Variants in HDAC9 observed in about 807,000 individuals in gnomAD.
HDAC9 encodes the protein MEF-2 interacting transcription repressor (MITR) protein.
A neutral mutation model predicts 139.4 loss-of-function variants in HDAC9; 41 were observed. The ratio of observed to expected loss-of-function variants is 0.29; its 90% CI spans 0.23 to 0.38. The LOEUF is 0.38. Ranked by LOEUF, HDAC9 falls within the 10% of genes least tolerant of loss-of-function variation. The pLI is 1.00. For missense variants in HDAC9, 1,147 were observed against 1,297.0 expected (o/e 0.88, Z 1.78); for synonymous variants, 517 against 476.2 (o/e 1.09, Z -1.12).
At chr7:18,437,704 T>C (rs1439161091) in intron 1 of HDAC9, among the ~76,000 whole-genome samples, 1 of 151,768 alleles carries the variant, frequency 6.6e-6, no homozygotes, top group African/African-American at 2.4e-5. Context: ...ACTGTTAGCA[T>C]CATCACTGTA....
intron 6 of HDAC9, among the ~76,000 whole-genome samples, chr7:18,617,817 G>A (rs991139076): frequency 1.3e-5 from 2 of 152,048 alleles, no homozygotes; most frequent in African/African-American, 4.8e-5. Flanking sequence ...ACTAAAATAG[G>A]AACTAATACA....
chr7:18,618,756 ATATATG>A lies in HDAC9; in HGVS notation c.665-10591_665-10586del, dbSNP rs1436054658. ...TATATATATATATATATATATATAT[ATATATG>A]TAGGAATTCGTTTGTTACAGAAAGA... On this transcript the variant is annotated intron_variant, in intron 6 of 25. Transcript: ENST00000686413. Among the ~76,000 whole-genome samples the A allele has an allele frequency of 4.7e-4, 62 of 131,710 alleles. No homozygotes were observed. In the South Asian group the frequency reaches 0.015, roughly 33 times the overall value. The allele number at this position is 131,710 out of a possible 152,430, so 86.4% of individuals were successfully genotyped here.
chr7:18,280,873 C>A (rs1285417968), intron 2 of HDAC9, among the ~76,000 whole-genome samples: 1 of 152,114 alleles, frequency 6.6e-6, no homozygotes, highest in Non-Finnish European at 1.5e-5. Flanking sequence ...TTTATTTAGG[C>A]ATTATTTATC....
intron 2 of HDAC9, chr7:18,509,371 C>A: frequency 1.0e-6 from 1 of 985,412 alleles, no homozygotes; most frequent in Non-Finnish European, 1.2e-6. Flanking sequence ...TTTTCTCTAG[C>A]CTCAAGAAGA....
chr7:18,563,505 A>G (rs1821258008), intron 2 of HDAC9, among the ~76,000 whole-genome samples: 1 of 152,052 alleles, frequency 6.6e-6, no homozygotes. Flanking sequence ...TTACTCAGAA[A>G]ATTTTCTTAT....
intron 1 of HDAC9, among the ~76,000 whole-genome samples, chr7:18,485,690 G>A (rs367579128): frequency 7.8e-4 from 118 of 151,866 alleles, no homozygotes; most frequent in Middle Eastern, 3.4e-3. Context: ...ATAATGCTAG[G>A]AACTTTATAT....
intron 1 of HDAC9, among the ~76,000 whole-genome samples, chr7:18,152,869 G>A (rs1326899894): frequency 6.6e-6 from 1 of 152,192 alleles, no homozygotes; most frequent in Non-Finnish European, 1.5e-5. Flanking sequence ...AACAATATCT[G>A]ATATGATTCA....
At chr7:18,604,787 A>G (rs1238930448) in intron 6 of HDAC9, among the ~76,000 whole-genome samples, 6 of 152,052 alleles carry the variant, frequency 3.9e-5, no homozygotes, top group African/African-American at 1.4e-4. Context: ...CTCTGTTTAT[A>G]TTATCCATCT....
intron 21 of HDAC9, among the ~76,000 whole-genome samples, chr7:18,864,804 T>A (rs528743318): frequency 1.3e-5 from 2 of 152,002 alleles, no homozygotes; most frequent in Non-Finnish European, 2.9e-5. Flanking sequence ...CCTGGAAAGA[T>A]GAAAAAGTTC....
At chr7:18,721,111 A>C (rs1158850274) in intron 12 of HDAC9, among the ~76,000 whole-genome samples, 1 of 152,132 alleles carries the variant, frequency 6.6e-6, no homozygotes, top group East Asian at 1.9e-4. Flanking sequence ...TTGGTGTTTT[A>C]TGTATGACAA....
intron 12 of HDAC9, among the ~76,000 whole-genome samples, chr7:18,688,465 A>G (rs899331278): frequency 3.3e-5 from 5 of 151,924 alleles, no homozygotes; most frequent in Non-Finnish European, 7.4e-5. Context: ...TTATTTTAGA[A>G]ATATTTTTAC....
At chr7:18,189,588 G>A (rs912051280) in intron 2 of HDAC9, among the ~76,000 whole-genome samples, 2 of 152,154 alleles carry the variant, frequency 1.3e-5, no homozygotes, top group African/African-American at 2.4e-5. Flanking sequence ...ACAGAGCCTT[G>A]TGGGGCATGG....
chr7:18,885,569 G>A (rs1439538601), intron 22 of HDAC9, among the ~76,000 whole-genome samples: 1 of 152,086 alleles, frequency 6.6e-6, no homozygotes, highest in Non-Finnish European at 1.5e-5. Flanking sequence ...CTATGCTTAA[G>A]TCACAGAGAT....
At chr7:18,173,382 C>T (rs528212489) in intron 2 of HDAC9, among the ~76,000 whole-genome samples, 9 of 152,310 alleles carry the variant, frequency 5.9e-5, no homozygotes, top group African/African-American at 2.2e-4. Context: ...ATACATCACA[C>T]TGATGGGTCT....
At chr7:18,958,084 G>C (rs993544812) in intron 24 of HDAC9, among the ~76,000 whole-genome samples, 1 of 152,120 alleles carries the variant, frequency 6.6e-6, no homozygotes, top group African/African-American at 2.4e-5. Flanking sequence ...CCACATGTAT[G>C]TGAATATTTT....
chr7:18,712,697 A>G (rs1404015874), intron 12 of HDAC9, among the ~76,000 whole-genome samples: 5 of 152,232 alleles, frequency 3.3e-5, no homozygotes, highest in African/African-American at 4.8e-5. Flanking sequence ...TAAGCTTGCC[A>G]ATAATTGAAT....
At chr7:18,238,485 C>T (rs1327003676) in intron 2 of HDAC9, among the ~76,000 whole-genome samples, 2 of 152,156 alleles carry the variant, frequency 1.3e-5, no homozygotes, top group South Asian at 2.1e-4. Flanking sequence ...TTCCCCAGCG[C>T]AGTGTAGATT....
At chr7:18,355,207 C>G (rs1330837144) in intron 1 of HDAC9, among the ~76,000 whole-genome samples, 1 of 152,176 alleles carries the variant, frequency 6.6e-6, no homozygotes, top group African/African-American at 2.4e-5. Flanking sequence ...ATTATCTCCA[C>G]TTGTCCATGA....
At chr7:18,570,154 G>C (rs1463878331) in intron 2 of HDAC9, among the ~76,000 whole-genome samples, 1 of 151,942 alleles carries the variant, frequency 6.6e-6, no homozygotes, top group Non-Finnish European at 1.5e-5. Context: ...AGATTGGAGA[G>C]TACAGCCATA....
Sources: allele counts gnomAD v4.1 joint callset (sites outside exome capture counted in the v4.1 genomes callset), GRCh38; gene constraint gnomAD v4.1.1; transcripts MANE v1.5; gene names NCBI Gene and HGNC (gene_info 2026-07-23, HGNC 2026-07-21).